Variants in NPAS3 observed in about 807,000 individuals in gnomAD.
NPAS3 encodes the protein neuronal PAS domain protein 3, also known as neuronal PAS domain-containing protein 3.
A neutral mutation model predicts 73.1 loss-of-function variants in NPAS3; 14 were observed. That is an observed-to-expected ratio of 0.19 (90% CI 0.13 to 0.30). NPAS3 has a LOEUF of 0.30. Ranked by LOEUF, NPAS3 falls within the 10% of genes least tolerant of loss-of-function variation. The pLI, the probability that NPAS3 is intolerant of heterozygous loss-of-function variation, is 1.00. For missense variants in NPAS3, 1,096 were observed against 1,250.0 expected (o/e 0.88, Z 1.86); for synonymous variants, 620 against 541.5 (o/e 1.14, Z -2.01).
intron 4 of NPAS3, among the ~76,000 whole-genome samples, chr14:33,414,039 AG>A (rs2048044370): frequency 6.6e-6 from 1 of 152,102 alleles, no homozygotes; most frequent in Admixed American, 6.6e-5. Flanking sequence ...TATTTTTCTC[AG>A]AATCAAGTAA....
intron 3 of NPAS3, among the ~76,000 whole-genome samples, chr14:33,298,520 C>A (rs2042397548): frequency 6.6e-6 from 1 of 152,130 alleles, no homozygotes; most frequent in Non-Finnish European, 1.5e-5. Context: ...AACTTGATGA[C>A]CAGCTTACAT....
At chr14:33,049,926 T>C (rs1420254337) in intron 1 of NPAS3, among the ~76,000 whole-genome samples, 1 of 152,222 alleles carries the variant, frequency 6.6e-6, no homozygotes, top group Non-Finnish European at 1.5e-5. Flanking sequence ...TCAAATACTT[T>C]CCAAGTTGCC....
At chr14:33,372,895 T>C (rs1026340217) in intron 4 of NPAS3, among the ~76,000 whole-genome samples, 24 of 152,332 alleles carry the variant, frequency 1.6e-4, no homozygotes, top group Non-Finnish European at 3.5e-4. Context: ...GGAAAGTAGA[T>C]GTGATTAAGC....
At chr14:33,227,957 T>A (rs983086547) in intron 3 of NPAS3, among the ~76,000 whole-genome samples, 1 of 152,210 alleles carries the variant, frequency 6.6e-6, no homozygotes, top group Non-Finnish European at 1.5e-5. Flanking sequence ...TCTTTGGGAC[T>A]GTGAACACAT....
chr14:33,151,120 T>A (rs750251651), intron 2 of NPAS3, among the ~76,000 whole-genome samples: 9 of 152,230 alleles, frequency 5.9e-5, no homozygotes, highest in Non-Finnish European at 1.3e-4. Flanking sequence ...AACTATTTCT[T>A]TGCAGTCAAT....
chr14:33,592,474 G>A (rs75019140), intron 5 of NPAS3, among the ~76,000 whole-genome samples: 2,737 of 152,248 alleles, frequency 0.018, 80 homozygotes, highest in African/African-American at 0.062. Flanking sequence ...TTGGGAGTTC[G>A]GAGGAGGCAA....
chr14:33,741,941 A>C (rs978506882), intron 7 of NPAS3, among the ~76,000 whole-genome samples: 8 of 152,186 alleles, frequency 5.3e-5, no homozygotes, highest in African/African-American at 1.7e-4. Context: ...AAAATGACAC[A>C]CATATGTATA....
At position 33,344,435 on chromosome 14, in the gene NPAS3, T is replaced by C. The variant is rs186105358; in HGVS notation, c.386-22751T>C. Reference sequence around the variant, plus strand: ...TATGCCATAATCAGTGCTGTGTTTCTAGTTGAATTTCATTTGCTGTAATCC... The same window carrying C: ...TATGCCATAATCAGTGCTGTGTTTCCAGTTGAATTTCATTTGCTGTAATCC... On this transcript the variant is annotated intron_variant, in intron 3 of 11. Coordinates refer to ENST00000356141, the Ensembl canonical transcript of NPAS3. Among the ~76,000 whole-genome samples the C allele has an allele frequency of 1.8e-3, 267 of 152,320 alleles. 1 individual carries two copies. Among genetic ancestry groups the C allele is most frequent in the Non-Finnish European group, 1.3e-3 (91 of 68,024 alleles).
At chr14:33,471,453 T>C (rs1390127697) in intron 4 of NPAS3, among the ~76,000 whole-genome samples, 1 of 152,150 alleles carries the variant, frequency 6.6e-6, no homozygotes, top group African/African-American at 2.4e-5. Flanking sequence ...TGGATCAGTG[T>C]GGTACCCAGG....
In NPAS3 at chr14:33,367,129, T is replaced by C. The variant is rs538756398; in HGVS notation, c.386-57T>C. ...CATTCAAGAGAAACTAAGCTGAAGA[T>C]ATGAATCAGAGCTCCAACTTAATTG... On this transcript the variant is annotated intron_variant, in intron 3 of 11. Coordinates refer to ENST00000356141, the Ensembl canonical transcript of NPAS3. The C allele has an allele frequency of 2.2e-5, 17 of 759,378 alleles. No homozygotes were observed. In the Admixed American group the frequency reaches 4.2e-4, roughly 19 times the overall value. 47.0% of individuals were successfully genotyped at this position (759,378 alleles called of 1,614,324 possible).
chr14:33,485,718 A>AC (rs942508103), intron 4 of NPAS3, among the ~76,000 whole-genome samples: 2 of 152,208 alleles, frequency 1.3e-5, no homozygotes, highest in Non-Finnish European at 2.9e-5. Flanking sequence ...ATGGAAAACT[A>AC]CAGAATGTCA....
intron 5 of NPAS3, among the ~76,000 whole-genome samples, chr14:33,615,668 G>C (rs558472481): frequency 6.6e-6 from 1 of 152,182 alleles, no homozygotes; most frequent in African/African-American, 2.4e-5. Flanking sequence ...ATAATAATTT[G>C]AGTAATGCTA....
intron 1 of NPAS3, among the ~76,000 whole-genome samples, chr14:33,048,975 T>C (rs1285133511): frequency 6.6e-6 from 1 of 152,208 alleles, no homozygotes; most frequent in African/African-American, 2.4e-5. Flanking sequence ...ACACTGATCT[T>C]CTTTTACAGG....
At chr14:33,147,351 T>C (rs1258053897) in intron 2 of NPAS3, among the ~76,000 whole-genome samples, 1 of 152,158 alleles carries the variant, frequency 6.6e-6, no homozygotes, top group Admixed American at 6.6e-5. Context: ...ATATGCAAAA[T>C]GTGGGATTTG....
At chr14:33,043,364 C>T (rs1447043104) in intron 1 of NPAS3, among the ~76,000 whole-genome samples, 1 of 152,016 alleles carries the variant, frequency 6.6e-6, no homozygotes, top group African/African-American at 2.4e-5. Flanking sequence ...TTATGATAAG[C>T]AAAACTGAAT....
In NPAS3 at chr14:33,245,145, T is replaced by TTAAAATATA. The variant is rs1434932860; in HGVS notation, c.385+29721_385+29729dup. 1.2e-4 allele frequency among the ~76,000 whole-genome samples: 18 copies of TTAAAATATA among 152,320 alleles called. 2 individuals are homozygous for TTAAAATATA. The South Asian group carries it at 3.5e-3, about 30-fold the overall frequency. ...TAGATGATACATTTTTAAAATATGA[T>TTAAAATATA]TAAAATATATTTTTAGTCATATTAA... On this transcript the variant is annotated intron_variant, in intron 3 of 11. Coordinates refer to ENST00000356141, the Ensembl canonical transcript of NPAS3.
At chr14:33,655,989 C>A (rs570768151) in intron 5 of NPAS3, among the ~76,000 whole-genome samples, 2 of 152,262 alleles carry the variant, frequency 1.3e-5, no homozygotes, top group African/African-American at 2.4e-5. Context: ...CATTCTGAGG[C>A]CACCAGTTTT....
chr14:32,939,188 C>T (rs554741070), upstream of NPAS3: 594 of 295,102 alleles, frequency 2.0e-3, 10 homozygotes, highest in Non-Finnish European at 8.0e-5. Context: ...CGCCGGGCAG[C>T]CCAGAGCGCC....
At chr14:33,543,369 T>C (rs1449439735) in intron 4 of NPAS3, among the ~76,000 whole-genome samples, 1 of 152,236 alleles carries the variant, frequency 6.6e-6, no homozygotes, top group African/African-American at 2.4e-5. Context: ...TTGCTATCTT[T>C]ACTGTTTTAG....
Sources: gnomAD v4.1 joint callset for allele counts (sites outside exome capture counted in the v4.1 genomes callset) on GRCh38, gnomAD v4.1.1 for gene constraint, MANE v1.5 for transcripts, NCBI Gene and HGNC (gene_info 2026-07-23, HGNC 2026-07-21) for gene names.